The following PTK2 variants were observed in gnomAD, a reference collection of about 807,000 sequenced individuals.
The protein encoded by PTK2 is protein tyrosine kinase 2.
In PTK2, 45 loss-of-function variants were observed where a neutral mutation model predicts 150.1. That is an observed-to-expected ratio of 0.30 (90% CI 0.24 to 0.38). The LOEUF is 0.38. PTK2 is among the 10% of genes least tolerant of loss of function. The pLI is 1.00. For synonymous variants in PTK2, 432 were observed against 449.2 expected (o/e 0.96, Z 0.48); for missense variants, 919 against 1,307.3 (o/e 0.70, Z 4.58).
intron 1 of PTK2, among the ~76,000 whole-genome samples, chr8:140,937,923 T>TA (rs1267469358): frequency 6.6e-6 from 1 of 152,108 alleles, no homozygotes; most frequent in Non-Finnish European, 1.5e-5. Flanking sequence ...CCCCATCTCT[T>TA]ACAAATAAAA....
intron 8 of PTK2, among the ~76,000 whole-genome samples, chr8:140,828,126 A>C (rs903795657): frequency 1.3e-5 from 2 of 151,522 alleles, no homozygotes; most frequent in African/African-American, 4.9e-5. Flanking sequence ...AGATCACGCC[A>C]CTGCACTCCA....
At chr8:140,852,478 T>G (rs1223556666) in intron 5 of PTK2, among the ~76,000 whole-genome samples, 3 of 152,216 alleles carry the variant, frequency 2.0e-5, no homozygotes, top group Non-Finnish European at 4.4e-5. Flanking sequence ...AAATCTAAAT[T>G]AGGTTTGCAG....
intron 14 of PTK2, among the ~76,000 whole-genome samples, chr8:140,766,690 C>T (rs573796192): frequency 5.8e-4 from 89 of 152,248 alleles, no homozygotes; most frequent in African/African-American, 1.9e-3. Flanking sequence ...AGTAAAGGAA[C>T]GCTATACCCC....
chr8:140,745,999 CAAA>C (rs367643506), intron 18 of PTK2, among the ~76,000 whole-genome samples: 5 of 69,780 alleles, frequency 7.2e-5, no homozygotes, highest in African/African-American at 5.6e-5. Context: ...GACTCTGTCT[CAAA>C]AAAAAAAAAA....
At chr8:140,858,246 A>T (rs941756957) in intron 5 of PTK2, among the ~76,000 whole-genome samples, 3 of 152,088 alleles carry the variant, frequency 2.0e-5, no homozygotes, top group Non-Finnish European at 4.4e-5. Context: ...AAACAAGCTA[A>T]CACATATGGA....
exon 9 of PTK2, chr8:140,818,893 T>G: frequency 6.2e-7 from 1 of 1,613,512 alleles, no homozygotes; most frequent in Non-Finnish European, 8.5e-7. Context: ...AAGAGCACAC[T>G]TGAAGCATTC....
At chr8:140,760,622 T>C (rs991457145) in intron 16 of PTK2, among the ~76,000 whole-genome samples, 6 of 152,178 alleles carry the variant, frequency 3.9e-5, no homozygotes, top group South Asian at 2.1e-4. Flanking sequence ...AAGTTTCTTT[T>C]TGAGGTGAAG....
chr8:140,685,623 C>G (rs774307310), intron 27 of PTK2, among the ~76,000 whole-genome samples: 12 of 152,126 alleles, frequency 7.9e-5, no homozygotes, highest in Non-Finnish European at 1.6e-4. Context: ...ACATGGCCAA[C>G]AAGCATATGA....
chr8:140,750,626 G>C lies in PTK2; in HGVS notation c.1417+1606C>G, dbSNP rs375219287. On this transcript the variant is annotated intron_variant, in intron 17 of 31. Transcript: ENST00000522684. ...GCAAACCATAGGAAAGGAGGAAGAG[G>C]AACATCACCGCTTGAGGGCAGGTAA... Among the ~76,000 whole-genome samples the C allele has an allele frequency of 3.9e-5, 6 of 152,320 alleles. No individual in the cohort carries two copies. In the East Asian group the frequency reaches 7.7e-4, roughly 20 times the overall value.
At chr8:140,839,067 G>T (rs1219329074) in intron 7 of PTK2, among the ~76,000 whole-genome samples, 1 of 151,994 alleles carries the variant, frequency 6.6e-6, no homozygotes, top group East Asian at 1.9e-4. Context: ...GTTGGAAACA[G>T]ATTGAGCTAC....
intron 2 of PTK2, among the ~76,000 whole-genome samples, chr8:140,899,266 A>C (rs2100157512): frequency 6.6e-6 from 1 of 152,196 alleles, no homozygotes; most frequent in Non-Finnish European, 1.5e-5. Context: ...AATAAAAGGC[A>C]ATTACCAAAA....
chr8:140,990,080 G>A (rs947372261), intron 1 of PTK2, among the ~76,000 whole-genome samples: 1 of 152,090 alleles, frequency 6.6e-6, no homozygotes, highest in African/African-American at 2.4e-5. Flanking sequence ...AATGATTGGA[G>A]CCTAACCTTT....
chr8:140,722,550 G>A (rs963325206), intron 22 of PTK2, among the ~76,000 whole-genome samples: 8 of 152,150 alleles, frequency 5.3e-5, no homozygotes, highest in Admixed American at 2.6e-4. Context: ...TTACAGATGT[G>A]AGCCACCATG....
rs61261890 is a variant in PTK2, at chr8:140,902,924, G to GTTTTT, written c.-32-12160_-32-12156dup. Among the ~76,000 whole-genome samples the GTTTTT allele has an allele frequency of 3.4e-4, 20 of 58,960 alleles. 2 individuals are homozygous for GTTTTT. Among genetic ancestry groups the GTTTTT allele is most frequent in the African/African-American group, 6.3e-4 (13 of 20,534 alleles). 38.7% of individuals were successfully genotyped at this position (58,960 alleles called of 152,430 possible). A position where few individuals can be genotyped will look rare whatever the true frequency, so the allele number is the denominator to read the frequency against. ...TTGCCTGTTCACTCTGATGAGAGTT[G>GTTTTT]TTTTTTTTTTTTTTTTTTTTTTTTT... On this transcript the variant is annotated intron_variant, in intron 2 of 31. Coordinates refer to ENST00000522684, the Ensembl canonical transcript of PTK2.
intron 14 of PTK2, among the ~76,000 whole-genome samples, chr8:140,768,559 A>G (rs549650362): frequency 1.3e-5 from 2 of 152,136 alleles, no homozygotes; most frequent in East Asian, 3.9e-4. Flanking sequence ...GGAGCCTAAG[A>G]CCTGACCACT....
intron 5 of PTK2, among the ~76,000 whole-genome samples, chr8:140,848,176 C>T (rs2100126811): frequency 6.6e-6 from 1 of 152,166 alleles, no homozygotes; most frequent in Admixed American, 6.5e-5. Context: ...TTCATACTTC[C>T]TCCAGTAAGC....
intron 2 of PTK2, among the ~76,000 whole-genome samples, chr8:140,916,126 G>C (rs1018388295): frequency 6.6e-6 from 1 of 152,164 alleles, no homozygotes; most frequent in African/African-American, 2.4e-5. Flanking sequence ...AAAAGGGAGA[G>C]TTCACCAGTC....
chr8:140,845,667 T>G (rs1289538301), intron 7 of PTK2, among the ~76,000 whole-genome samples: 1 of 152,194 alleles, frequency 6.6e-6, no homozygotes, highest in Non-Finnish European at 1.5e-5. Flanking sequence ...AATTTTGTTT[T>G]ATTTCCGAAT....
chr8:140,979,210 T>A (rs968321597), intron 1 of PTK2, among the ~76,000 whole-genome samples: 1 of 150,656 alleles, frequency 6.6e-6, no homozygotes, highest in Non-Finnish European at 1.5e-5. Flanking sequence ...TGTATACATA[T>A]GTAACAAACC....
Sources: gnomAD v4.1 joint callset for allele counts (sites outside exome capture counted in the v4.1 genomes callset) on GRCh38, gnomAD v4.1.1 for gene constraint, MANE v1.5 for transcripts, NCBI Gene and HGNC (gene_info 2026-07-23, HGNC 2026-07-21) for gene names.